The following APBA1 variants were observed in gnomAD, a reference collection of about 807,000 sequenced individuals.
The protein encoded by APBA1 is amyloid beta precursor protein binding family A member 1, also known as amyloid-beta A4 precursor protein-binding family A member 1.
APBA1 carries 55 observed loss-of-function variants against 86.6 expected under a neutral mutation model. That is an observed-to-expected ratio of 0.64 (90% CI 0.51 to 0.80). APBA1 has a LOEUF of 0.80. Ranked by LOEUF, APBA1 falls within the 30% of genes least tolerant of loss-of-function variation. The pLI is 0.00. For synonymous variants in APBA1, 511 were observed against 493.9 expected (o/e 1.03, Z -0.46); for missense variants, 1,090 against 1,183.0 (o/e 0.92, Z 1.15).
intron 10 of APBA1, among the ~76,000 whole-genome samples, chr9:69,443,496 CT>C (rs1449528895): frequency 1.3e-5 from 2 of 152,184 alleles, no homozygotes; most frequent in African/African-American, 4.8e-5. Context: ...CAGCTGACCC[CT>C]GTTCAGCCAT....
chr9:69,618,345 A>G (rs1194262260), intron 1 of APBA1, among the ~76,000 whole-genome samples: 1 of 152,092 alleles, frequency 6.6e-6, no homozygotes, highest in African/African-American at 2.4e-5. Context: ...AATTTAATTC[A>G]CTCAACATTT....
intron 1 of APBA1, among the ~76,000 whole-genome samples, chr9:69,630,526 C>A (rs2133997540): frequency 6.6e-6 from 1 of 152,258 alleles, no homozygotes; most frequent in South Asian, 2.1e-4. Flanking sequence ...GATGTGCTGC[C>A]TCTACCTCCT....
rs1834565361 is a variant in APBA1 at position 69,430,213 on chromosome 9, TG to T, written c.*1113del. The T allele has an allele frequency of 6.6e-6, 1 of 152,306 alleles. No individual in the cohort carries two copies. 9.4% of individuals were successfully genotyped at this position (152,306 alleles called of 1,614,324 possible). ...CCTGAGCAGAGAAGAAAGTTGGTCT[TG>T]CCTTGGGCCAGAAAACAAGACGCAA... On this transcript the variant is annotated 3_prime_UTR_variant, in exon 13 of 13. Transcript: ENST00000265381.
At chr9:69,637,308 C>T (rs973107671) in intron 1 of APBA1, among the ~76,000 whole-genome samples, 5 of 152,046 alleles carry the variant, frequency 3.3e-5, no homozygotes, top group African/African-American at 1.2e-4. Flanking sequence ...TTTGATAGTA[C>T]AACAGGGTGA....
At chr9:69,596,404 T>C (rs934175763) in intron 1 of APBA1, among the ~76,000 whole-genome samples, 5 of 152,230 alleles carry the variant, frequency 3.3e-5, no homozygotes, top group Non-Finnish European at 7.3e-5. Context: ...GTGTATTCAT[T>C]ATGATGAGAT....
chr9:69,610,731 CA>C (rs1822570293), intron 1 of APBA1, among the ~76,000 whole-genome samples: 1 of 152,122 alleles, frequency 6.6e-6, no homozygotes, highest in African/African-American at 2.4e-5. Context: ...TAGAAATTAT[CA>C]GATTTTCTTT....
At chr9:69,573,516 T>C (rs1420947521) in intron 1 of APBA1, among the ~76,000 whole-genome samples, 1 of 152,200 alleles carries the variant, frequency 6.6e-6, no homozygotes, top group Non-Finnish European at 1.5e-5. Context: ...CAGAATACAA[T>C]TCACAAAATT....
intron 2 of APBA1, among the ~76,000 whole-genome samples, chr9:69,500,784 G>A (rs1206368640): frequency 1.3e-5 from 2 of 152,086 alleles, no homozygotes; most frequent in Non-Finnish European, 2.9e-5. Context: ...TATGTTTAAA[G>A]AGCGAAGCCC....
chr9:69,612,032 G>A (rs1822601638), intron 1 of APBA1, among the ~76,000 whole-genome samples: 1 of 152,056 alleles, frequency 6.6e-6, no homozygotes, highest in South Asian at 2.1e-4. Flanking sequence ...TTATATTTGT[G>A]TCTCTATATA....
chr9:69,472,280 C>A (rs1406429669), intron 3 of APBA1, among the ~76,000 whole-genome samples: 2 of 152,204 alleles, frequency 1.3e-5, no homozygotes, highest in Non-Finnish European at 2.9e-5. Flanking sequence ...CCTGGAATTT[C>A]TTTTGCACCT....
rs1471981186 is a variant in APBA1 at position 69,516,983 on chromosome 9, C to T, written c.228G>A (p.Ala76=). 1.9e-6 allele frequency: 3 copies of T among 1,586,482 alleles called. No homozygotes were observed. The highest frequency in any genetic ancestry group is 1.3e-5 in the African/African-American group (1 of 74,636). Residue 76 remains alanine (A), a synonymous_variant, in exon 2 of 13, where the codon GCG becomes GCA. Transcript: ENST00000265381. The surrounding 1 kb of genome is among the most constrained non-coding windows in gnomAD (Gnocchi z 7.3). ...QEEEERGECL[A]RSASTESGFH... is the part of the protein sequence containing the mutation. Reference sequence around the variant, plus strand: ...AGCCGCTCTCCGTGCTGGCTGAGCGCGCCAGGCATTCCCCGCGCTCCTCTT... The same window carrying T: ...AGCCGCTCTCCGTGCTGGCTGAGCGTGCCAGGCATTCCCCGCGCTCCTCTT...
intron 11 of APBA1, among the ~76,000 whole-genome samples, chr9:69,436,893 TATG>T (rs1834733684): frequency 6.6e-6 from 1 of 151,920 alleles, no homozygotes; most frequent in South Asian, 2.1e-4. Flanking sequence ...GTCCATTCGG[TATG>T]ATATTGGCTG....
At chr9:69,525,482 TACCTGTGCCCCCC>T (rs921014570) in intron 1 of APBA1, among the ~76,000 whole-genome samples, 4 of 152,024 alleles carry the variant, frequency 2.6e-5, no homozygotes, top group African/African-American at 9.6e-5. Context: ...CCGTTTCAAA[TACCTGTGCCCCCC>T]ACCCCCCAAA....
chr9:69,516,180 T>C lies in APBA1; in HGVS notation c.1031A>G (p.Asp344Gly). 6.2e-7 allele frequency: 1 copy of C among 1,609,984 alleles called. No homozygotes were observed. Among genetic ancestry groups the C allele is most frequent in the Non-Finnish European group, 8.5e-7 (1 of 1,178,244 alleles). The change falls in exon 2 of 13, where the codon GAT becomes GGT. Residue 344 changes from aspartate to glycine, a missense_variant. Around this residue, in one of 6 missense-constraint regions of APBA1, gnomAD observed 678 missense variants for 647.1 expected, o/e 1.05. Transcript: ENST00000265381. This position sits in a 1 kb window ranked among gnomAD's most constrained non-coding sequence, Gnocchi z 7.3. Reference sequence around the variant, plus strand: ...GTCCTTGATGGCCAGCGAGATGGCATCGCGCTTCTCCTTGCTGTACCGCTG... The same window carrying C: ...GTCCTTGATGGCCAGCGAGATGGCACCGCGCTTCTCCTTGCTGTACCGCTG... ...AGQRYSKEKR[D>G]AISLAIKDIK...
At chr9:69,649,963 A>G (rs1008883802) in intron 1 of APBA1, among the ~76,000 whole-genome samples, 5 of 152,236 alleles carry the variant, frequency 3.3e-5, no homozygotes, top group African/African-American at 1.2e-4. Context: ...TAAAGATTTT[A>G]ACTGCTACAG....
intron 1 of APBA1, among the ~76,000 whole-genome samples, chr9:69,629,951 T>C (rs1420258161): frequency 2.0e-5 from 3 of 151,926 alleles, no homozygotes; most frequent in African/African-American, 7.3e-5. Context: ...ACAAAGCAGA[T>C]ATAGATTCCC....
chr9:69,458,104 G>A (rs1835128809), intron 6 of APBA1, 52 bp downstream of exon 6: 3 of 1,509,060 alleles, frequency 2.0e-6, no homozygotes, highest in East Asian at 2.3e-5. Flanking sequence ...AAACAGAAAC[G>A]AATGAAAAGA....
chr9:69,666,260 T>C (rs2134030860), intron 1 of APBA1, among the ~76,000 whole-genome samples: 1 of 152,252 alleles, frequency 6.6e-6, no homozygotes, highest in African/African-American at 2.4e-5. Flanking sequence ...TATCCAGCCT[T>C]TTCATTTTTG....
intron 1 of APBA1, among the ~76,000 whole-genome samples, chr9:69,623,528 T>C (rs1822868485): frequency 6.6e-6 from 1 of 152,022 alleles, no homozygotes; most frequent in Admixed American, 6.6e-5. Flanking sequence ...AGTGGATGGG[T>C]CAAAGAAAAT....
Sources: gnomAD v4.1 joint callset for allele counts (sites outside exome capture counted in the v4.1 genomes callset) on GRCh38, gnomAD v4.1.1 for gene constraint, gnomAD v4.1.1 regional missense constraint, Gnocchi (gnomAD v3.1) non-coding constraint, MANE v1.5 for transcripts, NCBI Gene and HGNC (gene_info 2026-07-23, HGNC 2026-07-21) for gene names.